PLGRKT: variants seen among roughly 807,000 people sequenced by gnomAD.
PLGRKT encodes plasminogen receptor with a C-terminal lysine, also known as plasminogen receptor (KT).
A neutral mutation model predicts 18.5 loss-of-function variants in PLGRKT; 22 were observed. The ratio of observed to expected loss-of-function variants is 1.19; its 90% CI spans 0.85 to 1.70. The LOEUF is 1.70. Ranked by LOEUF, PLGRKT falls within the 40% of genes most tolerant of loss-of-function variation. The pLI is 0.00. For synonymous variants in PLGRKT, 72 were observed against 52.8 expected, an observed-to-expected ratio of 1.36 and a Z score of -1.58; for missense variants, 235 against 174.4, an observed-to-expected ratio of 1.35 and a Z score of -1.96.
Position 5,358,399 on chromosome 9 carries a change from G to T in PLGRKT, c.323-39C>A, listed in dbSNP as rs767236518. On this transcript the variant is annotated intron_variant, in intron 5 of 5. Transcript: ENST00000223864. ...CAGAAATACACAAGGTGACAAAGGG[G>T]TCATCAGCAATTTGTGACAAAGCCT... The T allele has an allele frequency of 6.2e-6, 10 of 1,602,002 alleles. No homozygotes were observed. The South Asian group carries it at 1.1e-4, about 18-fold the overall frequency.
chr9:5,419,347 G>A (rs1310381621), intron 3 of PLGRKT, among the ~76,000 whole-genome samples: 1 of 152,228 alleles, frequency 6.6e-6, no homozygotes, highest in Non-Finnish European at 1.5e-5. Context: ...AAGTGGAAAT[G>A]GTACGTGTTT....
chr9:5,380,885 G>T (rs927837847), intron 3 of PLGRKT, among the ~76,000 whole-genome samples: 1 of 152,162 alleles, frequency 6.6e-6, no homozygotes, highest in East Asian at 1.9e-4. Context: ...GAGGGAGCTG[G>T]TAGGAGGTGA....
intron 3 of PLGRKT, among the ~76,000 whole-genome samples, chr9:5,410,055 A>C (rs945455210): frequency 6.6e-6 from 1 of 152,234 alleles, no homozygotes; most frequent in East Asian, 1.9e-4. Context: ...TAATAAAATA[A>C]TATTTTGACT....
intron 3 of PLGRKT, among the ~76,000 whole-genome samples, chr9:5,427,263 C>T (rs1818719974): frequency 6.6e-6 from 1 of 152,200 alleles, no homozygotes; most frequent in South Asian, 2.1e-4. Context: ...ATCAGATCAG[C>T]TGCCACAATA....
intron 3 of PLGRKT, among the ~76,000 whole-genome samples, chr9:5,381,135 C>T (rs981969193): frequency 2.0e-5 from 3 of 152,184 alleles, no homozygotes; most frequent in Admixed American, 2.0e-4. Context: ...TACCTAGTAA[C>T]AGTATGAAAA....
chr9:5,370,627 T>C (rs1817495482), intron 3 of PLGRKT, among the ~76,000 whole-genome samples: 1 of 152,218 alleles, frequency 6.6e-6, no homozygotes, highest in African/African-American at 2.4e-5. Context: ...TTATTCTACA[T>C]GTTCTACCAC....
chr9:5,401,087 G>C (rs1264384200), intron 3 of PLGRKT, among the ~76,000 whole-genome samples: 1 of 151,744 alleles, frequency 6.6e-6, no homozygotes, highest in Non-Finnish European at 1.5e-5. Flanking sequence ...TGCTACTGCT[G>C]GCCTTAATTA....
At position 5,379,116 on chromosome 9, in the gene PLGRKT, C is replaced by T. The variant is rs140422489; in HGVS notation, c.82-17228G>A. ...CTATTAGAATCAACAAGATTCTAAT[C>T]AGAATCAGCAGAATGGTTGAATATA... On this transcript the variant is annotated intron_variant, in intron 3 of 5. Transcript: ENST00000223864. 3.9e-3 allele frequency among the ~76,000 whole-genome samples: 595 copies of T among 152,122 alleles called. 1 individual carries two copies. The highest frequency in any genetic ancestry group is 0.014 in the African/African-American group (573 of 41,516).
At chr9:5,408,924 G>A (rs1818308092) in intron 3 of PLGRKT, among the ~76,000 whole-genome samples, 1 of 152,248 alleles carries the variant, frequency 6.6e-6, no homozygotes, top group African/African-American at 2.4e-5. Context: ...TTCAGAGGGT[G>A]CAAGCTGTAA....
chr9:5,423,892 A>G (rs1015356484), intron 3 of PLGRKT, among the ~76,000 whole-genome samples: 7 of 94,400 alleles, frequency 7.4e-5, no homozygotes, highest in African/African-American at 3.6e-4. Flanking sequence ...ATAGTCTATA[A>G]TATATATTAC....
chr9:5,435,374 G>C (rs1312929633), intron 2 of PLGRKT, among the ~76,000 whole-genome samples: 4 of 148,800 alleles, frequency 2.7e-5, no homozygotes, highest in Non-Finnish European at 5.9e-5. Flanking sequence ...CAGTAGACCA[G>C]TTATTCTTCC....
chr9:5,381,910 C>T (rs781221251), intron 3 of PLGRKT: 976 of 985,028 alleles, frequency 9.9e-4, no homozygotes, highest in Non-Finnish European at 1.1e-3. Context: ...GGGACCACAT[C>T]ATGAGAGGAA....
Position 5,361,858 on chromosome 9 carries a change from T to C in PLGRKT, c.112A>G (p.Met38Val). The change falls in exon 4 of 6, where the codon ATG becomes GTG. Residue 38 changes from methionine to valine, a missense_variant. By Grantham distance (21) the Met-to-Val change is conservative. Coordinates refer to ENST00000223864, the MANE Select transcript of PLGRKT (RefSeq NM_018465.4). ...LERQLIMQSE[M>V]RERQMAMQIA... ...TGCATGGCCATTTGTCTTTCCCTCATTTCACTCTGCATGATGAGCTGCCTT... is the reference window on the plus strand; with the variant it reads ...TGCATGGCCATTTGTCTTTCCCTCACTTCACTCTGCATGATGAGCTGCCTT... The C allele has an allele frequency of 6.8e-6, 11 of 1,613,194 alleles. No individual in the cohort carries two copies. Among genetic ancestry groups the C allele is most frequent in the South Asian group, 1.1e-5 (1 of 90,876 alleles).
rs116118870 is a variant in PLGRKT, at chr9:5,358,856, A to G, written c.323-496T>C. 8.9e-3 allele frequency among the ~76,000 whole-genome samples: 1,353 copies of G among 152,338 alleles called. 28 individuals carry two copies. The highest frequency in any genetic ancestry group is 0.031 in the African/African-American group (1,302 of 41,570). The stretch of plus-strand genomic sequence containing the variant: ...TGTATACATACAAATATACATATAT[A>G]CACATCTTTATAAACAATTCCTCTT... On this transcript the variant is annotated intron_variant, in intron 5 of 5. Coordinates refer to ENST00000223864, the MANE Select transcript of PLGRKT (RefSeq NM_018465.4).
intron 5 of PLGRKT, among the ~76,000 whole-genome samples, chr9:5,360,150 A>G (rs1209502640): frequency 6.6e-6 from 1 of 152,246 alleles, no homozygotes; most frequent in Non-Finnish European, 1.5e-5. Flanking sequence ...AGAATGATGT[A>G]AACAACTTAT....
At chr9:5,358,853 T>C (rs1379396890) in intron 5 of PLGRKT, among the ~76,000 whole-genome samples, 1 of 152,222 alleles carries the variant, frequency 6.6e-6, no homozygotes, top group Non-Finnish European at 1.5e-5. Flanking sequence ...AATATACATA[T>C]ATACACATCT....
At chr9:5,368,651 G>T (rs1241918515) in intron 3 of PLGRKT, among the ~76,000 whole-genome samples, 3 of 152,170 alleles carry the variant, frequency 2.0e-5, no homozygotes, top group Non-Finnish European at 4.4e-5. Context: ...CCATTTGGGT[G>T]ATGGAATCAT....
intron 3 of PLGRKT, among the ~76,000 whole-genome samples, chr9:5,401,682 A>G (rs570528013): frequency 6.6e-6 from 1 of 152,136 alleles, no homozygotes; most frequent in Non-Finnish European, 1.5e-5. Context: ...GTTAATTGTT[A>G]TATGAGGAAA....
At chr9:5,379,693 T>C (rs1817700010) in intron 3 of PLGRKT, among the ~76,000 whole-genome samples, 1 of 152,174 alleles carries the variant, frequency 6.6e-6, no homozygotes, top group Non-Finnish European at 1.5e-5. Flanking sequence ...TTGAACTTCA[T>C]TTGTAGTAGA....
Sources: allele counts gnomAD v4.1 joint callset (sites outside exome capture counted in the v4.1 genomes callset), GRCh38; gene constraint gnomAD v4.1.1; transcripts MANE v1.5; gene names NCBI Gene and HGNC (gene_info 2026-07-23, HGNC 2026-07-21).